Variants in REDIC1 observed in about 807,000 individuals in gnomAD.
The protein encoded by REDIC1 is regulator of DNA class I crossover intermediates 1, also known as HEI10 Interacting Protein 1.
the REDIC1 span, chr12:39,684,831 C>T: frequency 6.7e-7 from 1 of 1,499,774 alleles, no homozygotes; most frequent in South Asian, 1.2e-5. Flanking sequence ...AGAGGGAACA[C>T]AACAAACTTT....
At chr12:39,713,220 T>A in the REDIC1 span, among the ~76,000 whole-genome samples, 1 of 141,066 alleles carries the variant, frequency 7.1e-6, no homozygotes, top group South Asian at 2.3e-4. Context: ...TATGTTTATA[T>A]TACACATATA....
At chr12:39,636,287 G>C in the REDIC1 span, among the ~76,000 whole-genome samples, 1 of 151,818 alleles carries the variant, frequency 6.6e-6, no homozygotes, top group Non-Finnish European at 1.5e-5. Flanking sequence ...ATGAATTTTT[G>C]CTTTATTGGT....
the REDIC1 span, among the ~76,000 whole-genome samples, chr12:39,706,350 G>A: frequency 6.6e-6 from 1 of 152,084 alleles, no homozygotes; most frequent in Non-Finnish European, 1.5e-5. Context: ...TCATGGATTA[G>A]AAGAATCAAT....
the REDIC1 span, among the ~76,000 whole-genome samples, chr12:39,834,709 T>C: frequency 6.6e-6 from 1 of 152,080 alleles, no homozygotes; most frequent in Non-Finnish European, 1.5e-5. Flanking sequence ...TAAGCCCTTA[T>C]CTGCCTCTGT....
the REDIC1 span, among the ~76,000 whole-genome samples, chr12:39,899,840 G>C: frequency 6.6e-6 from 1 of 152,252 alleles, no homozygotes; most frequent in African/African-American, 2.4e-5. Context: ...ACTGTGGTCT[G>C]AGAGACAGTT....
the REDIC1 span, among the ~76,000 whole-genome samples, chr12:39,864,123 T>C: frequency 1.4e-4 from 21 of 152,228 alleles, 1 homozygote; most frequent in Admixed American, 1.4e-3. Context: ...GTTTCATTTA[T>C]GTGTTCTCAG....
At chr12:39,803,358 A>T in the REDIC1 span, among the ~76,000 whole-genome samples, 1 of 152,210 alleles carries the variant, frequency 6.6e-6, no homozygotes, top group Non-Finnish European at 1.5e-5. Flanking sequence ...CCAGTAGATG[A>T]CAGCAGTGGA....
the REDIC1 span, chr12:39,683,514 A>G: frequency 9.5e-6 from 14 of 1,476,130 alleles, no homozygotes; most frequent in African/African-American, 1.3e-4. Flanking sequence ...TGGGGAATAC[A>G]AATCAGGATC....
the REDIC1 span, among the ~76,000 whole-genome samples, chr12:39,737,275 G>A: frequency 6.6e-6 from 1 of 152,168 alleles, no homozygotes; most frequent in Non-Finnish European, 1.5e-5. Context: ...TTGAAAGTTT[G>A]TTCTTGTTGC....
the REDIC1 span, among the ~76,000 whole-genome samples, chr12:39,712,823 GTA>G: frequency 1.4e-5 from 2 of 143,672 alleles, no homozygotes; most frequent in Non-Finnish European, 1.5e-5. Context: ...ATACATGTGT[GTA>G]TGTATATACA....
the REDIC1 span, among the ~76,000 whole-genome samples, chr12:39,703,495 A>G: frequency 6.6e-6 from 1 of 151,368 alleles, no homozygotes; most frequent in East Asian, 1.9e-4. Context: ...ATATCGTGAA[A>G]ATGGCCATAC....
chr12:39,713,695 G>T, the REDIC1 span, among the ~76,000 whole-genome samples: 1 of 143,674 alleles, frequency 7.0e-6, no homozygotes, highest in Non-Finnish European at 1.5e-5. Context: ...GTATACATGC[G>T]TATATACATA....
chr12:39,862,471 C>T, the REDIC1 span, among the ~76,000 whole-genome samples: 3 of 152,172 alleles, frequency 2.0e-5, no homozygotes, highest in Non-Finnish European at 4.4e-5. Context: ...AACCATATCA[C>T]TTTCTAAAAT....
chr12:39,778,910 G>T, the REDIC1 span, among the ~76,000 whole-genome samples: 1 of 152,166 alleles, frequency 6.6e-6, no homozygotes, highest in African/African-American at 2.4e-5. Flanking sequence ...CAGTTTGGGG[G>T]TTACTTTTTA....
chr12:39,710,345 AT>A, the REDIC1 span, among the ~76,000 whole-genome samples: 2 of 151,870 alleles, frequency 1.3e-5, no homozygotes, highest in Non-Finnish European at 2.9e-5. Flanking sequence ...ACAGGCAAAA[AT>A]TCAGGCTATT....
At chr12:39,639,665 TC>T in the REDIC1 span, among the ~76,000 whole-genome samples, 1 of 151,974 alleles carries the variant, frequency 6.6e-6, no homozygotes. Flanking sequence ...CTTAGTTTCC[TC>T]ATCAGTAAAG....
At chr12:39,712,056 A>ATATACCTACCTGTATGTATC in the REDIC1 span, among the ~76,000 whole-genome samples, 1 of 142,914 alleles carries the variant, frequency 7.0e-6, no homozygotes, top group Non-Finnish European at 1.5e-5. Flanking sequence ...CTGTATGTAT[A>ATATACCTACCTGTATGTATC]TATACATGTA....
chr12:39,884,468 C>T, the REDIC1 span, among the ~76,000 whole-genome samples: 1 of 152,132 alleles, frequency 6.6e-6, no homozygotes, highest in Admixed American at 6.5e-5. Context: ...ACAAGCCTAA[C>T]TATTCAATTA....
the REDIC1 span, among the ~76,000 whole-genome samples, chr12:39,644,738 C>G: frequency 6.6e-6 from 1 of 151,644 alleles, no homozygotes; most frequent in African/African-American, 2.4e-5. Context: ...ATGTATTTAC[C>G]TTTATTCCCA....
Sources: gnomAD v4.1 joint callset for allele counts (sites outside exome capture counted in the v4.1 genomes callset) on GRCh38, gnomAD v4.1.1 for gene constraint, MANE v1.5 for transcripts, NCBI Gene and HGNC (gene_info 2026-07-23, HGNC 2026-07-21) for gene names.